Variants in DOCK1 observed in about 807,000 individuals in gnomAD.
The protein encoded by DOCK1 is dedicator of cytokinesis 1.
Under a neutral mutation model 262.7 loss-of-function variants are expected in DOCK1, and 138 were observed. The ratio of observed to expected loss-of-function variants is 0.53; its 90% CI spans 0.46 to 0.61. DOCK1 has a LOEUF of 0.61. Among genes scored for constraint, DOCK1 ranks in the 20% least tolerant of loss-of-function variants. DOCK1 has a pLI of 0.00. For missense variants in DOCK1, 1,908 were observed against 2,370.7 expected, an observed-to-expected ratio of 0.80 and a Z score of 4.05; for synonymous variants, 866 against 867.4, an observed-to-expected ratio of 1.00 and a Z score of 0.03.
chr10:127,296,721 G>T (rs11017170), intron 29 of DOCK1, among the ~76,000 whole-genome samples: 17,122 of 152,200 alleles, frequency 0.11, 1,145 homozygotes, highest in African/African-American at 0.19. Flanking sequence ...TGGGATGAGG[G>T]AAGGGGAAGA....
At chr10:127,193,875 A>G (rs1041030563) in intron 27 of DOCK1, among the ~76,000 whole-genome samples, 16 of 152,320 alleles carry the variant, frequency 1.1e-4, no homozygotes, top group African/African-American at 3.8e-4. Context: ...CCAGCCTCCC[A>G]TAGAGCTTGC....
intron 1 of DOCK1, among the ~76,000 whole-genome samples, chr10:126,932,108 C>T (rs1037089907): frequency 1.3e-5 from 2 of 152,262 alleles, no homozygotes; most frequent in Non-Finnish European, 2.9e-5. Flanking sequence ...CAAAGCTGAA[C>T]TCCAGAATCA....
chr10:127,017,508 CAG>C (rs1554974061), intron 12 of DOCK1, among the ~76,000 whole-genome samples: 1 of 151,064 alleles, frequency 6.6e-6, no homozygotes, highest in Non-Finnish European at 1.5e-5. Context: ...GAGACACACA[CAG>C]ACACACACGT....
At chr10:127,397,815 G>C (rs971136929) in intron 38 of DOCK1, among the ~76,000 whole-genome samples, 2 of 149,762 alleles carry the variant, frequency 1.3e-5, no homozygotes, top group Admixed American at 1.3e-4. Flanking sequence ...AGTGACTCCT[G>C]TATGACCCGG....
chr10:127,054,237 A>G (rs960391765), intron 22 of DOCK1, among the ~76,000 whole-genome samples: 1 of 152,192 alleles, frequency 6.6e-6, no homozygotes, highest in Non-Finnish European at 1.5e-5. Context: ...CAAAGCAACA[A>G]GTTATTGACT....
At chr10:126,927,155 A>G (rs916294655) in intron 1 of DOCK1, among the ~76,000 whole-genome samples, 2 of 152,192 alleles carry the variant, frequency 1.3e-5, no homozygotes, top group African/African-American at 4.8e-5. Context: ...TCGTCTTTTT[A>G]GAAGAAAACT....
chr10:127,351,289 C>T (rs2063868069), intron 31 of DOCK1, among the ~76,000 whole-genome samples: 1 of 152,102 alleles, frequency 6.6e-6, no homozygotes, highest in Admixed American at 6.5e-5. Context: ...GCACGGTGAC[C>T]CCAGCTCTAG....
chr10:126,938,635 A>C (rs1377906219), intron 1 of DOCK1, among the ~76,000 whole-genome samples: 1 of 152,150 alleles, frequency 6.6e-6, no homozygotes, highest in Non-Finnish European at 1.5e-5. Context: ...ATTTATTCTC[A>C]TAGTTCTGGA....
At chr10:127,320,050 A>G (rs949797653) in intron 29 of DOCK1, among the ~76,000 whole-genome samples, 18 of 152,144 alleles carry the variant, frequency 1.2e-4, no homozygotes, top group Admixed American at 1.0e-3. Context: ...AGCAGTCAAC[A>G]AGTTAGAAGC....
At chr10:127,043,011 T>C (rs1210030546) in intron 20 of DOCK1, 53 bp from the exon 21 acceptor site, 3 of 1,381,758 alleles carry the variant, frequency 2.2e-6, no homozygotes, top group Non-Finnish European at 3.0e-6. Flanking sequence ...ATGAAGATTA[T>C]AAAATGGCTT....
chr10:127,313,360 A>T (rs1564984477), intron 29 of DOCK1, among the ~76,000 whole-genome samples: 1 of 152,224 alleles, frequency 6.6e-6, no homozygotes. Context: ...ACGGAATGGA[A>T]GAGTGGGTAA....
chr10:127,218,045 T>C (rs933710587), intron 27 of DOCK1, among the ~76,000 whole-genome samples: 3 of 152,182 alleles, frequency 2.0e-5, no homozygotes, highest in African/African-American at 7.2e-5. Context: ...CATTCTATTC[T>C]GCTGTTCTAA....
At chr10:127,273,956 A>G (rs2060656284) in intron 29 of DOCK1, among the ~76,000 whole-genome samples, 1 of 152,104 alleles carries the variant, frequency 6.6e-6, no homozygotes, top group African/African-American at 2.4e-5. Context: ...TAATTGATAG[A>G]TGTATTTATT....
At chr10:126,990,367 T>G in intron 5 of DOCK1, 88 bp from the exon 6 acceptor site, 3 of 1,338,932 alleles carry the variant, frequency 2.2e-6, no homozygotes, top group Non-Finnish European at 2.0e-6. Flanking sequence ...TTATACCTCA[T>G]GCGTATTTGA....
intron 23 of DOCK1, among the ~76,000 whole-genome samples, chr10:127,068,751 A>G (rs2046027248): frequency 6.6e-6 from 1 of 152,370 alleles, no homozygotes; most frequent in South Asian, 2.1e-4. Flanking sequence ...ACACCTATAT[A>G]TACACACATA....
At position 127,329,567 on chromosome 10, in the gene DOCK1, C is replaced by T. The variant is rs146318367; in HGVS notation, c.3045-9439C>T. 6.1e-3 allele frequency among the ~76,000 whole-genome samples: 932 copies of T among 152,140 alleles called. 15 individuals carry two copies. The highest frequency in any genetic ancestry group is 0.02 in the African/African-American group (833 of 41,478). ...GCTGGGGCGGGGACTCTGGGGCGAC[C>T]CAAGACCCTTCTTTATTTGCCGGGA... On this transcript the variant is annotated intron_variant, in intron 29 of 51. Coordinates refer to ENST00000623213, the MANE Select transcript of DOCK1 (RefSeq NM_001290223.2).
At chr10:126,997,246 C>T (rs2135106538) in intron 7 of DOCK1, among the ~76,000 whole-genome samples, 1 of 152,244 alleles carries the variant, frequency 6.6e-6, no homozygotes, top group Admixed American at 6.5e-5. Context: ...GTCTTATTGT[C>T]TTTTCGTCTT....
intron 23 of DOCK1, among the ~76,000 whole-genome samples, chr10:127,072,121 G>GC (rs1342073797): frequency 6.6e-6 from 1 of 152,226 alleles, no homozygotes. Flanking sequence ...CATGCAAGGT[G>GC]CCAGTGAGCC....
intron 29 of DOCK1, among the ~76,000 whole-genome samples, chr10:127,274,118 CA>C (rs1227787312): frequency 6.6e-6 from 1 of 151,944 alleles, no homozygotes; most frequent in Non-Finnish European, 1.5e-5. Context: ...TGTGAGCTCC[CA>C]AAAAAAGTGC....
Sources: allele counts gnomAD v4.1 joint callset (sites outside exome capture counted in the v4.1 genomes callset), GRCh38; gene constraint gnomAD v4.1.1; transcripts MANE v1.5; gene names NCBI Gene and HGNC (gene_info 2026-07-23, HGNC 2026-07-21).